Variants in AGBL1 observed in about 807,000 individuals in gnomAD.
AGBL1 encodes AGBL carboxypeptidase 1.
A neutral mutation model predicts 118.9 loss-of-function variants in AGBL1; 130 were observed. The ratio of observed to expected loss-of-function variants is 1.09; its 90% CI spans 0.95 to 1.26. The LOEUF (loss-of-function observed/expected upper bound fraction) is 1.26. AGBL1 is among the 50% of genes most tolerant of loss of function. The probability of loss-of-function intolerance (pLI) is 0.00; values close to 1 mark genes in which losing one functional copy is unlikely to be tolerated. For synonymous variants in AGBL1, 555 were observed against 478.9 expected (o/e 1.16, Z -2.08); for missense variants, 1,584 against 1,298.1 (o/e 1.22, Z -3.38).
At chr15:86,442,534 T>C (rs1204990414) in intron 18 of AGBL1, among the ~76,000 whole-genome samples, 1 of 152,204 alleles carries the variant, frequency 6.6e-6, no homozygotes, top group Non-Finnish European at 1.5e-5. Context: ...ACGATAACAG[T>C]CCTAATAAAA....
chr15:86,549,722 C>A (rs953186626), intron 20 of AGBL1, among the ~76,000 whole-genome samples: 2 of 151,408 alleles, frequency 1.3e-5, no homozygotes, highest in African/African-American at 2.4e-5. Context: ...AAAATATGTT[C>A]AAATAATTAA....
chr15:86,449,454 G>A (rs888780862), intron 18 of AGBL1, among the ~76,000 whole-genome samples: 1 of 152,222 alleles, frequency 6.6e-6, no homozygotes, highest in Non-Finnish European at 1.5e-5. Flanking sequence ...CAGTGGTACA[G>A]TGGTTGAACG....
At chr15:86,207,842 A>G (rs2078020644) in intron 5 of AGBL1, among the ~76,000 whole-genome samples, 1 of 152,156 alleles carries the variant, frequency 6.6e-6, no homozygotes, top group Non-Finnish European at 1.5e-5. Context: ...AGAACTTCCA[A>G]CACTATGTTG....
At chr15:86,331,361 C>A (rs1701556357) in intron 17 of AGBL1, among the ~76,000 whole-genome samples, 1 of 151,490 alleles carries the variant, frequency 6.6e-6, no homozygotes, top group African/African-American at 2.4e-5. Flanking sequence ...AAAAAAGCAA[C>A]AACCTGGAAA....
chr15:86,882,895 C>T (rs2079916292), intron 22 of AGBL1, among the ~76,000 whole-genome samples: 1 of 152,062 alleles, frequency 6.6e-6, no homozygotes, highest in Admixed American at 6.5e-5. Context: ...GAAAATAGTA[C>T]TAGAATTTTC....
chr15:86,376,200 G>A (rs2081039339), intron 17 of AGBL1, among the ~76,000 whole-genome samples: 1 of 152,194 alleles, frequency 6.6e-6, no homozygotes, highest in Non-Finnish European at 1.5e-5. Flanking sequence ...GTCAGAATCA[G>A]AGACAATTGT....
intron 22 of AGBL1, among the ~76,000 whole-genome samples, chr15:86,758,078 A>C (rs956879397): frequency 6.6e-6 from 1 of 152,090 alleles, no homozygotes; most frequent in Admixed American, 6.6e-5. Context: ...GTCCAAGTCA[A>C]TGATCCCCAT....
chr15:86,414,302 G>A (rs2081660464), intron 18 of AGBL1, among the ~76,000 whole-genome samples: 1 of 152,098 alleles, frequency 6.6e-6, no homozygotes, highest in South Asian at 2.1e-4. Flanking sequence ...TAACCAAATT[G>A]CACTTGTACC....
chr15:86,554,469 G>C lies in AGBL1; in HGVS notation c.2926G>C (p.Glu976Gln), dbSNP rs147523021. ...CACGGCCCGGGTGGTGGTGTGGAGA[G>C]AGATGGGGGTGTCCAGAAGCTACAC... The part of the protein sequence containing the change: ...ASTARVVVWR[E>Q]MGVSRSYTME... The change falls in exon 21 of 23, where the codon GAG becomes CAG. Residue 976 changes from glutamate to glutamine, a missense_variant. Transcript: ENST00000614907. 575 of 1,587,304 alleles carry C rather than the reference G, an allele frequency of 3.6e-4. 1 individual carries two copies. The highest frequency in any genetic ancestry group is 6.2e-4 in the South Asian group (54 of 86,488).
At chr15:86,702,419 G>A (rs2086376342) in intron 22 of AGBL1, among the ~76,000 whole-genome samples, 1 of 152,084 alleles carries the variant, frequency 6.6e-6, no homozygotes, top group African/African-American at 2.4e-5. Context: ...TAGATATATA[G>A]TAGGTGCTCA....
At chr15:86,203,472 G>A (rs1477213959) in intron 5 of AGBL1, among the ~76,000 whole-genome samples, 2 of 152,192 alleles carry the variant, frequency 1.3e-5, no homozygotes, top group Non-Finnish European at 2.9e-5. Flanking sequence ...CACAGTATCT[G>A]TGTATTTCTC....
intron 22 of AGBL1, among the ~76,000 whole-genome samples, chr15:86,756,006 AAGAGCCC>A (rs1389515923): frequency 6.6e-6 from 1 of 152,140 alleles, no homozygotes; most frequent in African/African-American, 2.4e-5. Flanking sequence ...CTGTTTAGCC[AAGAGCCC>A]AGATGGCTTG....
At chr15:87,005,615 C>G (rs1303757421) in intron 24 of AGBL1, among the ~76,000 whole-genome samples, 1 of 152,124 alleles carries the variant, frequency 6.6e-6, no homozygotes, top group Non-Finnish European at 1.5e-5. Flanking sequence ...AGGTTTTTAA[C>G]TTCTTTGCCA....
intron 22 of AGBL1, among the ~76,000 whole-genome samples, chr15:86,714,989 C>G (rs74025442): frequency 1.3e-5 from 2 of 152,176 alleles, no homozygotes; most frequent in African/African-American, 4.8e-5. Context: ...AAGTTAAGTA[C>G]TTTAATGATC....
Position 86,768,823 on chromosome 15 carries a change from G to A in AGBL1, c.3158+94387G>A, listed in dbSNP as rs182928976. 2.2e-3 allele frequency among the ~76,000 whole-genome samples: 336 copies of A among 151,984 alleles called. 3 individuals carry two copies. Among genetic ancestry groups the A allele is most frequent in the African/African-American group, 7.5e-3 (311 of 41,494 alleles). On this transcript the variant is annotated intron_variant, in intron 22 of 22. Coordinates refer to ENST00000614907, the MANE Select transcript of AGBL1 (RefSeq NM_001386094.1). ...GGCCTCTTATATCATATTAATTGCT[G>A]TGCCTTAAGGGCTTACAGGAATCTC...
chr15:86,953,327 G>A (rs1211723450), intron 23 of AGBL1, among the ~76,000 whole-genome samples: 1 of 150,402 alleles, frequency 6.6e-6, no homozygotes, highest in African/African-American at 2.4e-5. Context: ...TATTTGTGTA[G>A]TCTCTGATTT....
Position 86,912,874 on chromosome 15 carries a change from T to C in AGBL1, c.*5580T>C, listed in dbSNP as rs2080369935. On this transcript the variant is annotated 3_prime_UTR_variant, in exon 23 of 23. Coordinates refer to ENST00000614907, the MANE Select transcript of AGBL1 (RefSeq NM_001386094.1). The stretch of plus-strand genomic sequence containing the variant: ...TCTAGTCTTGGAAAGACATGCATAG[T>C]AGCCTGGTGCCCACCAGGAGGGCTT... 6.6e-6 allele frequency: 1 copy of C among 152,210 alleles called. No homozygotes were observed. Among genetic ancestry groups the C allele is most frequent in the South Asian group, 2.1e-4 (1 of 4,824 alleles). 9.4% of individuals were successfully genotyped at this position (152,210 alleles called of 1,614,324 possible).
rs1450820552 is a variant in AGBL1 at position 86,269,815 on chromosome 15, T to C, written c.1839-104T>C. The C allele has an allele frequency of 8.3e-6, 11 of 1,319,522 alleles. No individual in the cohort carries two copies. In the East Asian group the frequency reaches 2.5e-4, roughly 30 times the overall value. The allele number at this position is 1,319,522 out of a possible 1,614,324, so 81.7% of individuals were successfully genotyped here. A position where few individuals can be genotyped will look rare whatever the true frequency, so the allele number is the denominator to read the frequency against. On this transcript the variant is annotated intron_variant, in intron 13 of 22. Coordinates refer to ENST00000614907, the MANE Select transcript of AGBL1 (RefSeq NM_001386094.1). ...CTTACCAGCTGGCTGAGATCCTGGG[T>C]CTTAGATCTGTAACCCAGAAACTGA...
chr15:86,991,155 C>G (rs1449629222), intron 24 of AGBL1, among the ~76,000 whole-genome samples: 2 of 152,172 alleles, frequency 1.3e-5, no homozygotes, highest in Admixed American at 1.3e-4. Flanking sequence ...GCTGTCTTCT[C>G]CCATGATCAG....
Sources: gnomAD v4.1 joint callset for allele counts (sites outside exome capture counted in the v4.1 genomes callset) on GRCh38, gnomAD v4.1.1 for gene constraint, MANE v1.5 for transcripts, NCBI Gene and HGNC (gene_info 2026-07-23, HGNC 2026-07-21) for gene names.